COTL1: variants seen among roughly 807,000 people sequenced by gnomAD.
The protein encoded by COTL1 is coactosin-like protein.
A neutral mutation model predicts 16.5 loss-of-function variants in COTL1; 15 were observed. The observed-to-expected ratio is 0.91, with a 90% CI of 0.61 to 1.40. COTL1 has a LOEUF of 1.40. COTL1 is among the 40% of genes most tolerant of loss of function. COTL1 has a pLI of 0.00. For missense variants in COTL1, 220 were observed against 201.5 expected (o/e 1.09, Z -0.56); for synonymous variants, 112 against 85.3 (o/e 1.31, Z -1.73).
intron 3 of COTL1, among the ~76,000 whole-genome samples, chr16:84,587,496 G>A (rs1471440489): frequency 1.3e-5 from 2 of 152,166 alleles, no homozygotes; most frequent in African/African-American, 2.4e-5. Context: ...AACTTAAGAG[G>A]CCAAGAACAG....
In COTL1 at chr16:84,566,060, A is replaced by G. The variant is rs1904296945; in HGVS notation, c.*785T>C. On this transcript the variant is annotated 3_prime_UTR_variant, in exon 4 of 4. Coordinates refer to ENST00000262428, the MANE Select transcript of COTL1 (RefSeq NM_021149.5). Reference sequence around the variant, plus strand: ...TGAACCCTGAAATACTCCCTCCGTCAACTCTGGGCTCAGACCTTTGCCCTT... The same window carrying G: ...TGAACCCTGAAATACTCCCTCCGTCGACTCTGGGCTCAGACCTTTGCCCTT... The G allele has an allele frequency of 6.5e-6, 1 of 152,684 alleles. No individual in the cohort carries two copies. The highest frequency in any genetic ancestry group is 2.1e-4 in the South Asian group (1 of 4,832). 9.5% of individuals were successfully genotyped at this position (152,684 alleles called of 1,614,324 possible). A position where few individuals can be genotyped will look rare whatever the true frequency, so the allele number is the denominator to read the frequency against.
At chr16:84,614,042 GAA>G (rs1905403102) in intron 2 of COTL1, among the ~76,000 whole-genome samples, 1 of 152,226 alleles carries the variant, frequency 6.6e-6, no homozygotes, top group Non-Finnish European at 1.5e-5. Flanking sequence ...GGTGAAGGAT[GAA>G]GACAGAGCTA....
At chr16:84,593,231 T>C (rs2326339) in intron 2 of COTL1, among the ~76,000 whole-genome samples, 34,454 of 152,180 alleles carry the variant, frequency 0.23, 4,191 homozygotes, top group African/African-American at 0.33. Flanking sequence ...AGGCCATGGC[T>C]ATCTGGGGGT....
intron 2 of COTL1, among the ~76,000 whole-genome samples, chr16:84,617,199 T>A (rs372474310): frequency 3.9e-5 from 6 of 151,964 alleles, no homozygotes; most frequent in African/African-American, 1.2e-4. Context: ...ACACTGGAGT[T>A]TGGAAACACA....
chr16:84,587,809 T>C (rs59968993), intron 3 of COTL1, among the ~76,000 whole-genome samples: 14,419 of 152,068 alleles, frequency 0.095, 845 homozygotes, highest in South Asian at 0.25. Flanking sequence ...ATTTATTTTT[T>C]TGGAGACTCG....
At chr16:84,603,745 C>T (rs970806702) in intron 2 of COTL1, among the ~76,000 whole-genome samples, 3 of 151,974 alleles carry the variant, frequency 2.0e-5, no homozygotes, top group Non-Finnish European at 4.4e-5. Context: ...GTGGGGTTGG[C>T]GCATCATGCC....
chr16:84,610,242 G>A (rs1249608304), intron 2 of COTL1, among the ~76,000 whole-genome samples: 6 of 152,184 alleles, frequency 3.9e-5, no homozygotes, highest in Non-Finnish European at 5.9e-5. Context: ...ACTATGGCCA[G>A]GACTCTTTTA....
At chr16:84,586,077 A>C (rs895960532) in intron 3 of COTL1, among the ~76,000 whole-genome samples, 3 of 152,170 alleles carry the variant, frequency 2.0e-5, no homozygotes, top group African/African-American at 7.2e-5. Flanking sequence ...ACACTGAGGA[A>C]AGAGGCCTCT....
intron 3 of COTL1, chr16:84,576,925 T>G (rs1315996437): frequency 6.6e-6 from 1 of 152,296 alleles, no homozygotes; most frequent in African/African-American, 2.4e-5. Context: ...AGACATGTGC[T>G]GGACACATGA....
intron 2 of COTL1, among the ~76,000 whole-genome samples, chr16:84,600,129 T>C (rs772680927): frequency 2.6e-5 from 4 of 152,092 alleles, no homozygotes; most frequent in Non-Finnish European, 5.9e-5. Flanking sequence ...ACTTGCTGTC[T>C]TTTTTCAGAG....
intron 2 of COTL1, among the ~76,000 whole-genome samples, chr16:84,614,493 G>T (rs1001731866): frequency 3.3e-5 from 5 of 152,092 alleles, no homozygotes; most frequent in Admixed American, 3.3e-4. Context: ...GAAAGCCGTG[G>T]GGGAGGAAGG....
chr16:84,579,748 G>A (rs1394537181), intron 3 of COTL1, among the ~76,000 whole-genome samples: 2 of 152,132 alleles, frequency 1.3e-5, no homozygotes, highest in South Asian at 2.1e-4. Flanking sequence ...AATCTCACGA[G>A]GCAAGATGTC....
At chr16:84,574,326 G>A (rs911129616) in intron 3 of COTL1, among the ~76,000 whole-genome samples, 6 of 152,192 alleles carry the variant, frequency 3.9e-5, no homozygotes, top group African/African-American at 1.4e-4. Flanking sequence ...AAGCCCTCGA[G>A]GCAGCTGCCA....
intron 2 of COTL1, among the ~76,000 whole-genome samples, chr16:84,606,895 G>A (rs1244717912): frequency 6.6e-6 from 1 of 152,198 alleles, no homozygotes; most frequent in Non-Finnish European, 1.5e-5. Context: ...AAGTAGAGCT[G>A]AAATTTGAAC....
intron 2 of COTL1, among the ~76,000 whole-genome samples, chr16:84,615,655 G>A (rs77676449): frequency 0.019 from 2,853 of 152,256 alleles, 140 homozygotes; most frequent in East Asian, 0.088. Flanking sequence ...GACCGGAGGG[G>A]AGAAAGTTAA....
chr16:84,586,910 T>A (rs1310638159), intron 3 of COTL1, among the ~76,000 whole-genome samples: 1 of 152,120 alleles, frequency 6.6e-6, no homozygotes, highest in Non-Finnish European at 1.5e-5. Context: ...CACAGTTTTT[T>A]AAATAGGAAG....
At chr16:84,595,235 C>G (rs1567536691) in intron 2 of COTL1, 1 of 152,370 alleles carries the variant, frequency 6.6e-6, no homozygotes, top group Non-Finnish European at 1.5e-5. Flanking sequence ...ACGTGGTTTG[C>G]TAGGTGACTG....
At position 84,617,391 on chromosome 16, in the gene COTL1, G is replaced by A. The variant is rs546629167; in HGVS notation, c.160+110C>T. 9.8e-5 allele frequency: 95 copies of A among 969,322 alleles called. No homozygotes were observed. The South Asian group carries it at 1.3e-3, about 13-fold the overall frequency. The allele number at this position is 969,322 out of a possible 1,614,324, so 60.0% of individuals were successfully genotyped here. A position where few individuals can be genotyped will look rare whatever the true frequency, so the allele number is the denominator to read the frequency against. On this transcript the variant is annotated intron_variant, in intron 2 of 3. Transcript: ENST00000262428. ...GGTTCCTCCCACGCCATGCGCCAGG[G>A]GCACCCCATGTGGCCACCGGTTCCT...
At chr16:84,578,679 A>G (rs1476780294) in intron 3 of COTL1, among the ~76,000 whole-genome samples, 1 of 151,824 alleles carries the variant, frequency 6.6e-6, no homozygotes, top group Non-Finnish European at 1.5e-5. Flanking sequence ...AAGTGTGCAC[A>G]CACACACACA....
Sources: gnomAD v4.1 joint callset for allele counts (sites outside exome capture counted in the v4.1 genomes callset) on GRCh38, gnomAD v4.1.1 for gene constraint, MANE v1.5 for transcripts, NCBI Gene and HGNC (gene_info 2026-07-23, HGNC 2026-07-21) for gene names.